ATP6V0D1: variants seen among roughly 807,000 people sequenced by gnomAD.
The protein encoded by ATP6V0D1 is ATPase H+ transporting V0 subunit d1, also known as V-type proton ATPase subunit d 1.
In ATP6V0D1, 13 loss-of-function variants were observed where a neutral mutation model predicts 39.0. The ratio of observed to expected loss-of-function variants is 0.33; its 90% CI spans 0.22 to 0.53. ATP6V0D1 has a LOEUF of 0.53. Among genes scored for constraint, ATP6V0D1 ranks in the 20% least tolerant of loss-of-function variants. The pLI is 0.94. For synonymous variants in ATP6V0D1, 191 were observed against 191.2 expected (o/e 1.00, Z 0.01); for missense variants, 272 against 470.9 (o/e 0.58, Z 3.91).
intron 1 of ATP6V0D1, among the ~76,000 whole-genome samples, chr16:67,465,956 T>A (rs961093144): frequency 2.6e-5 from 4 of 152,004 alleles, no homozygotes; most frequent in African/African-American, 7.3e-5. Context: ...CTCCCCAGGC[T>A]CCTTGAGAAG....
At chr16:67,477,806 G>A (rs891223442) in intron 1 of ATP6V0D1, among the ~76,000 whole-genome samples, 5 of 152,028 alleles carry the variant, frequency 3.3e-5, no homozygotes, top group Admixed American at 3.3e-4. Context: ...CGGAGTAGCT[G>A]GGACTACAGG....
chr16:67,457,839 C>A (rs1300128478), intron 1 of ATP6V0D1, among the ~76,000 whole-genome samples: 1 of 152,206 alleles, frequency 6.6e-6, no homozygotes, highest in Admixed American at 6.5e-5. Context: ...GGAACGCAGG[C>A]GGCTGGGTGG....
chr16:67,468,440 T>C (rs766456792), intron 1 of ATP6V0D1, among the ~76,000 whole-genome samples: 1 of 151,762 alleles, frequency 6.6e-6, no homozygotes, highest in Non-Finnish European at 1.5e-5. Context: ...ATACAAAAAT[T>C]AGCTAAGTGC....
chr16:67,462,884 T>C (rs984272763), intron 1 of ATP6V0D1, among the ~76,000 whole-genome samples: 1 of 151,356 alleles, frequency 6.6e-6, no homozygotes, highest in Non-Finnish European at 1.5e-5. Context: ...TCTGCTGGCC[T>C]GCACCACCTG....
intron 1 of ATP6V0D1, among the ~76,000 whole-genome samples, chr16:67,459,926 G>C (rs1050967980): frequency 2.0e-5 from 3 of 152,246 alleles, no homozygotes; most frequent in Non-Finnish European, 2.9e-5. Flanking sequence ...CCTCATGGCC[G>C]GCCCATGGAG....
rs764219820 is a variant in ATP6V0D1, at chr16:67,438,630, G to A, written c.954C>T (p.Phe318=). The A allele has an allele frequency of 1.4e-5, 23 of 1,614,128 alleles. No homozygotes were observed. The East Asian group carries it at 1.8e-4, about 13-fold the overall frequency. The change falls in exon 8 of 8, where the codon TTC becomes TTT. Residue 318 remains phenylalanine, a synonymous_variant. Transcript: ENST00000290949. ...GACACTCCTGCTCCTTGAGCTTCAC[G>A]AAGGCATAGAAGACACCAAAGTGGA... ...NQFHFGVFYA[F]VKLKEQECRN...
At chr16:67,469,589 T>C (rs1292555849) in intron 1 of ATP6V0D1, among the ~76,000 whole-genome samples, 2 of 152,110 alleles carry the variant, frequency 1.3e-5, no homozygotes, top group South Asian at 2.1e-4. Flanking sequence ...AGTGGCTTCA[T>C]GGGGGTTCCC....
intron 4 of ATP6V0D1, among the ~76,000 whole-genome samples, chr16:67,441,958 C>T (rs1048239592): frequency 6.6e-6 from 1 of 152,234 alleles, no homozygotes; most frequent in Non-Finnish European, 1.5e-5. Flanking sequence ...AAACTTCTGG[C>T]CTTACATTCA....
intron 3 of ATP6V0D1, 100 bp from the exon 4 acceptor site, chr16:67,443,278 C>T: frequency 7.9e-7 from 1 of 1,264,694 alleles, no homozygotes. Flanking sequence ...GCCACAAGGC[C>T]CACAGGGCTG....
At chr16:67,472,907 G>T (rs2041385626) in intron 1 of ATP6V0D1, among the ~76,000 whole-genome samples, 1 of 152,120 alleles carries the variant, frequency 6.6e-6, no homozygotes, top group African/African-American at 2.4e-5. Flanking sequence ...AGCATACACA[G>T]AAAATCCTAA....
At chr16:67,465,240 C>T (rs898452568) in intron 1 of ATP6V0D1, among the ~76,000 whole-genome samples, 1 of 152,224 alleles carries the variant, frequency 6.6e-6, no homozygotes, top group African/African-American at 2.4e-5. Flanking sequence ...GATAACCCAT[C>T]GCCAGCCTGA....
intron 1 of ATP6V0D1, among the ~76,000 whole-genome samples, chr16:67,471,205 G>C (rs2041370071): frequency 6.6e-6 from 1 of 152,110 alleles, no homozygotes; most frequent in Non-Finnish European, 1.5e-5. Flanking sequence ...CTTTGTTTTT[G>C]AGACAGAGTC....
chr16:67,468,446 A>G (rs887599048), intron 1 of ATP6V0D1, among the ~76,000 whole-genome samples: 2 of 151,940 alleles, frequency 1.3e-5, no homozygotes, highest in African/African-American at 4.8e-5. Context: ...AAATTAGCTA[A>G]GTGCGGTGGT....
chr16:67,474,781 A>G (rs2142334768), intron 1 of ATP6V0D1, among the ~76,000 whole-genome samples: 1 of 152,250 alleles, frequency 6.6e-6, no homozygotes, highest in Non-Finnish European at 1.5e-5. Context: ...TAGCCTTCAT[A>G]TCTCCACTCA....
chr16:67,478,556 G>A (rs1283222269), intron 1 of ATP6V0D1, among the ~76,000 whole-genome samples: 1 of 151,242 alleles, frequency 6.6e-6, no homozygotes, highest in Non-Finnish European at 1.5e-5. Context: ...GGAGGTTGCA[G>A]TGAGCGGAGA....
At chr16:67,448,255 G>A (rs1485213485) in intron 2 of ATP6V0D1, among the ~76,000 whole-genome samples, 1 of 150,906 alleles carries the variant, frequency 6.6e-6, no homozygotes, top group East Asian at 1.9e-4. Flanking sequence ...GGGAGGCTGA[G>A]GCAGGAGGAT....
At chr16:67,440,225 T>C (rs1001897445) in intron 4 of ATP6V0D1, 1 of 152,288 alleles carries the variant, frequency 6.6e-6, no homozygotes, top group African/African-American at 2.4e-5. Context: ...GGATGGTTAT[T>C]GCCTACACGG....
At chr16:67,441,327 T>C (rs2142297298) in intron 4 of ATP6V0D1, 1 of 152,318 alleles carries the variant, frequency 6.6e-6, no homozygotes, top group African/African-American at 2.4e-5. Flanking sequence ...TAATCTCCCA[T>C]CTGTGGTCAC....
At position 67,453,531 on chromosome 16, in the gene ATP6V0D1, A is replaced by G; in HGVS notation, c.302+13T>C. On this transcript the variant is annotated intron_variant, in intron 2 of 7. Coordinates refer to ENST00000290949, the MANE Select transcript of ATP6V0D1 (RefSeq NM_004691.5). The surrounding 1 kb of genome is among the most constrained non-coding windows in gnomAD (Gnocchi z 4.1). ...CCCAGGTAAGAGAAGAAGGCGCTAC[A>G]AAGCACACTCACGTAATGAAGTCTA... The G allele has an allele frequency of 6.2e-7, 1 of 1,613,800 alleles. No homozygotes were observed. Among genetic ancestry groups the G allele is most frequent in the Non-Finnish European group, 8.5e-7 (1 of 1,179,776 alleles).
Sources: allele counts gnomAD v4.1 joint callset (sites outside exome capture counted in the v4.1 genomes callset), GRCh38; gene constraint gnomAD v4.1.1; non-coding constraint Gnocchi (gnomAD v3.1); transcripts MANE v1.5; gene names NCBI Gene and HGNC (gene_info 2026-07-23, HGNC 2026-07-21).